Variants in CYRIB observed in about 807,000 individuals in gnomAD.
The protein encoded by CYRIB is CYFIP related Rac1 interactor B, also known as CYFIP-related Rac1 interactor B.
Under a neutral mutation model 44.2 loss-of-function variants are expected in CYRIB, and 8 were observed. The observed-to-expected ratio is 0.18, with a 90% CI of 0.11 to 0.33. The LOEUF (loss-of-function observed/expected upper bound fraction) is 0.33, where lower values mean the gene tolerates loss of function less well. CYRIB is among the 10% of genes least tolerant of loss of function. The pLI is 1.00. For synonymous variants in CYRIB, 131 were observed against 127.2 expected (o/e 1.03, Z -0.20); for missense variants, 185 against 382.8 (o/e 0.48, Z 4.31).
chr8:129,960,145 C>T (rs184207378), intron 2 of CYRIB, among the ~76,000 whole-genome samples: 83 of 152,308 alleles, frequency 5.4e-4, no homozygotes, highest in African/African-American at 2.0e-3. Context: ...GAATAAATCA[C>T]TGAATGAAAG....
intron 1 of CYRIB, among the ~76,000 whole-genome samples, chr8:129,989,605 G>A (rs2096571385): frequency 6.6e-6 from 1 of 151,736 alleles, no homozygotes; most frequent in African/African-American, 2.4e-5. Flanking sequence ...CCAGCCTCAG[G>A]ACGTGTTCAG....
At chr8:129,928,009 A>G (rs2088948772) in intron 1 of CYRIB, among the ~76,000 whole-genome samples, 1 of 152,216 alleles carries the variant, frequency 6.6e-6, no homozygotes, top group South Asian at 2.1e-4. Flanking sequence ...ATAGACCTAA[A>G]TGCAAGGACC....
chr8:129,857,164 A>C (rs1587452102), intron 5 of CYRIB, among the ~76,000 whole-genome samples: 1 of 152,300 alleles, frequency 6.6e-6, no homozygotes, highest in Admixed American at 6.5e-5. Context: ...AAGCACTGGG[A>C]AAATGGATGT....
chr8:129,951,302 T>A (rs1380169677), intron 2 of CYRIB, among the ~76,000 whole-genome samples: 2 of 151,682 alleles, frequency 1.3e-5, no homozygotes, highest in Non-Finnish European at 2.9e-5. Flanking sequence ...AGACTCCATC[T>A]CAAAAGAAAA....
chr8:129,980,050 C>A (rs575498585), intron 1 of CYRIB, among the ~76,000 whole-genome samples: 12 of 152,152 alleles, frequency 7.9e-5, no homozygotes, highest in African/African-American at 2.9e-4. Context: ...ATTTTGCCTA[C>A]CACACTCCTG....
At chr8:129,872,925 C>G (rs1333385359) in intron 3 of CYRIB, among the ~76,000 whole-genome samples, 2 of 151,888 alleles carry the variant, frequency 1.3e-5, no homozygotes, top group Non-Finnish European at 2.9e-5. Context: ...TTTGTTTACA[C>G]GTGAAACTGG....
intron 2 of CYRIB, among the ~76,000 whole-genome samples, chr8:129,885,714 G>A (rs2134291409): frequency 6.6e-6 from 1 of 152,060 alleles, no homozygotes; most frequent in African/African-American, 2.4e-5. Flanking sequence ...GAAAGCTGCT[G>A]CTTTTAACAT....
rs374678854 is a variant in CYRIB, at chr8:129,936,599, C to A, written c.-50+3009G>T. 2.5e-3 allele frequency among the ~76,000 whole-genome samples: 374 copies of A among 152,062 alleles called. 1 individual carries two copies. Among genetic ancestry groups the A allele is most frequent in the African/African-American group, 8.4e-3 (350 of 41,478 alleles). On this transcript the variant is annotated intron_variant, in intron 1 of 11. Coordinates refer to ENST00000519824, the Ensembl canonical transcript of CYRIB. Reference sequence around the variant, plus strand: ...AAGATACATATATCAAGTGCCCATTCTAAGCAAACAAATCCATTCTATGAA... The same window carrying A: ...AAGATACATATATCAAGTGCCCATTATAAGCAAACAAATCCATTCTATGAA...
At chr8:129,936,678 C>T (rs975986245) in intron 1 of CYRIB, among the ~76,000 whole-genome samples, 1 of 149,984 alleles carries the variant, frequency 6.7e-6, no homozygotes, top group African/African-American at 2.4e-5. Context: ...GATCTCAAAG[C>T]AAATTAGATA....
At chr8:129,945,725 A>G (rs1216918601) in intron 2 of CYRIB, among the ~76,000 whole-genome samples, 1 of 152,104 alleles carries the variant, frequency 6.6e-6, no homozygotes, top group South Asian at 2.1e-4. Context: ...GGCATGAGCC[A>G]CCACACCTGG....
upstream of CYRIB, chr8:130,016,509 GGCA>G (rs543173556): frequency 0.055 from 8,598 of 157,648 alleles, 307 homozygotes; most frequent in Non-Finnish European, 0.078. Context: ...CCGCCGCGGC[GGCA>G]GCAGCAGCAG....
intron 7 of CYRIB, among the ~76,000 whole-genome samples, chr8:129,853,054 G>GGGAA (rs1267088289): frequency 1.2e-4 from 19 of 152,264 alleles, no homozygotes; most frequent in African/African-American, 4.6e-4. Context: ...CAGAAAGAGT[G>GGGAA]GGAATTAGGC....
At chr8:129,993,286 G>A (rs887749424) in intron 1 of CYRIB, among the ~76,000 whole-genome samples, 3 of 152,076 alleles carry the variant, frequency 2.0e-5, no homozygotes, top group Non-Finnish European at 2.9e-5. Context: ...CCAGCTACTT[G>A]GGAGGCTGAG....
At chr8:129,972,801 C>T (rs1160236213) in intron 1 of CYRIB, among the ~76,000 whole-genome samples, 1 of 151,974 alleles carries the variant, frequency 6.6e-6, no homozygotes, top group Non-Finnish European at 1.5e-5. Flanking sequence ...ACCCAGCACA[C>T]CCAGGGCATA....
intron 5 of CYRIB, among the ~76,000 whole-genome samples, chr8:129,862,028 G>A (rs1298397893): frequency 1.3e-5 from 2 of 152,082 alleles, no homozygotes; most frequent in Non-Finnish European, 2.9e-5. Flanking sequence ...ATAACTTGTG[G>A]ACAAAAATGG....
chr8:129,959,624 A>T (rs1361537911), intron 2 of CYRIB, among the ~76,000 whole-genome samples: 4 of 152,106 alleles, frequency 2.6e-5, no homozygotes, highest in South Asian at 4.1e-4. Flanking sequence ...TTAATATTTT[A>T]AAAAATAAGA....
intron 1 of CYRIB, among the ~76,000 whole-genome samples, chr8:129,996,842 CT>C (rs2096778514): frequency 6.6e-6 from 1 of 151,994 alleles, no homozygotes; most frequent in Admixed American, 6.6e-5. Flanking sequence ...AGATAGAAGC[CT>C]GTGATTAAAA....
chr8:129,871,593 T>C, intron 3 of CYRIB, 97 bp from the exon 6 acceptor site: 1 of 1,248,658 alleles, frequency 8.0e-7, no homozygotes, highest in Non-Finnish European at 1.1e-6. Flanking sequence ...TTTCCAAAGA[T>C]GAGTTAATTC....
chr8:129,842,282 G>T, intron 11 of CYRIB, 77 bp from the exon 14 acceptor site: 1 of 1,031,392 alleles, frequency 9.7e-7, no homozygotes, highest in Non-Finnish European at 1.5e-6. Flanking sequence ...ATTATGACAG[G>T]ATGGAGAATT....
Sources: allele counts gnomAD v4.1 joint callset (sites outside exome capture counted in the v4.1 genomes callset), GRCh38; gene constraint gnomAD v4.1.1; transcripts MANE v1.5; gene names NCBI Gene and HGNC (gene_info 2026-07-23, HGNC 2026-07-21).